Variants in DNAH8 observed in about 807,000 individuals in gnomAD.
The protein encoded by DNAH8 is axonemal beta dynein heavy chain 8.
A neutral mutation model predicts 562.1 loss-of-function variants in DNAH8; 382 were observed. The observed-to-expected ratio is 0.68, with a 90% CI of 0.63 to 0.74. The LOEUF is 0.74. DNAH8 is among the 30% of genes least tolerant of loss of function. DNAH8 has a pLI of 0.00. For missense variants in DNAH8, 5,203 were observed against 5,620.4 expected, an observed-to-expected ratio of 0.93 and a Z score of 2.37; for synonymous variants, 1,881 against 1,919.4, an observed-to-expected ratio of 0.98 and a Z score of 0.52.
chr6:38,715,952 A>ATTTTTTTTTTT (rs1562521236), intron 1 of DNAH8, among the ~76,000 whole-genome samples: 2 of 25,716 alleles, frequency 7.8e-5, no homozygotes, highest in African/African-American at 3.6e-4. Flanking sequence ...ATATATATAT[A>ATTTTTTTTTTT]TATATATATT....
intron 18 of DNAH8, among the ~76,000 whole-genome samples, chr6:38,787,249 A>G (rs1343846429): frequency 6.6e-6 from 1 of 152,108 alleles, no homozygotes; most frequent in African/African-American, 2.4e-5. Context: ...TGTGCATTAA[A>G]TTTTATAATA....
At chr6:38,731,761 C>G (rs1401394595) in intron 4 of DNAH8, among the ~76,000 whole-genome samples, 2 of 152,234 alleles carry the variant, frequency 1.3e-5, no homozygotes, top group Non-Finnish European at 2.9e-5. Context: ...GTCACCCAGG[C>G]TGGAGTGCAA....
At chr6:38,734,426 T>A in intron 4 of DNAH8, 48 bp from the exon 5 acceptor site, 1 of 1,582,350 alleles carries the variant, frequency 6.3e-7, no homozygotes, top group African/African-American at 1.4e-5. Flanking sequence ...CTTATCTCAT[T>A]TGATTAGTTG....
At chr6:38,872,346 A>G (rs955296976) in intron 49 of DNAH8, among the ~76,000 whole-genome samples, 190 bp from the exon 50 acceptor site, 11 of 152,202 alleles carry the variant, frequency 7.2e-5, no homozygotes, top group Admixed American at 7.2e-4. Flanking sequence ...ACTTTAGCAC[A>G]TATCGTTTTA....
chr6:38,741,648 C>T (rs1253171113), intron 7 of DNAH8, 63 bp from the exon 8 acceptor site: 1 of 1,374,828 alleles, frequency 7.3e-7, no homozygotes, highest in South Asian at 1.5e-5. Context: ...CAAAAAGATG[C>T]AATCAGATTT....
chr6:38,832,196 C>T (rs1773897405), intron 30 of DNAH8, 126 bp from the exon 31 acceptor site: 1 of 622,926 alleles, frequency 1.6e-6, no homozygotes, highest in Non-Finnish European at 2.8e-6. Context: ...TATTTTATTA[C>T]AAGCAAACAG....
At chr6:38,740,737 C>T (rs1166154261) in intron 7 of DNAH8, among the ~76,000 whole-genome samples, 1 of 152,074 alleles carries the variant, frequency 6.6e-6, no homozygotes, top group East Asian at 1.9e-4. Flanking sequence ...CGCTCAGCCT[C>T]CTGAGTAGCT....
At chr6:38,781,724 A>G (rs1439674460) in intron 16 of DNAH8, among the ~76,000 whole-genome samples, 1 of 152,204 alleles carries the variant, frequency 6.6e-6, no homozygotes, top group Non-Finnish European at 1.5e-5. Flanking sequence ...GTATGGGCAG[A>G]TAGGTCACTG....
intron 29 of DNAH8, among the ~76,000 whole-genome samples, chr6:38,827,249 T>C (rs1480557220): frequency 6.6e-6 from 1 of 152,192 alleles, no homozygotes; most frequent in African/African-American, 2.4e-5. Flanking sequence ...AATCTCCCCA[T>C]GGCAAGCTCC....
At position 39,029,469 on chromosome 6, in the gene DNAH8, A is replaced by T. The variant is rs190051137; in HGVS notation, c.13837-636A>T. ...GCTATTCAATTCTTATCTTTAAAAA[A>T]TTTTTCTGCACCTATGCATCTTATC... On this transcript the variant is annotated intron_variant, in intron 92 of 92. Coordinates refer to ENST00000327475, the MANE Select transcript of DNAH8 (RefSeq NM_001206927.2). 2.3e-3 allele frequency among the ~76,000 whole-genome samples: 355 copies of T among 152,120 alleles called. 1 individual carries two copies. Among genetic ancestry groups the T allele is most frequent in the African/African-American group, 7.8e-3 (324 of 41,474 alleles).
chr6:38,883,290 C>G, intron 54 of DNAH8, 32 bp from the exon 55 acceptor site: 12 of 1,566,448 alleles, frequency 7.7e-6, no homozygotes, highest in Non-Finnish European at 1.0e-5. Flanking sequence ...TAAGTTGTAA[C>G]ACATTTCAAC....
chr6:38,901,020 G>T (rs1780041115), intron 62 of DNAH8, among the ~76,000 whole-genome samples: 1 of 151,792 alleles, frequency 6.6e-6, no homozygotes, highest in Non-Finnish European at 1.5e-5. Context: ...ATTTGGATAG[G>T]CTCTTTTGTG....
intron 33 of DNAH8, among the ~76,000 whole-genome samples, chr6:38,840,095 C>T (rs1774653550): frequency 6.6e-6 from 1 of 152,192 alleles, no homozygotes; most frequent in Non-Finnish European, 1.5e-5. Flanking sequence ...AACTCCTCAT[C>T]GGCTGTCATG....
chr6:38,822,017 C>T (rs942985088), intron 26 of DNAH8, among the ~76,000 whole-genome samples: 9 of 152,148 alleles, frequency 5.9e-5, no homozygotes, highest in Admixed American at 4.6e-4. Flanking sequence ...AGTGAATATA[C>T]ATATAGTGAT....
intron 26 of DNAH8, among the ~76,000 whole-genome samples, chr6:38,818,257 GC>G (rs1772467626): frequency 6.6e-6 from 1 of 151,894 alleles, no homozygotes; most frequent in Non-Finnish European, 1.5e-5. Flanking sequence ...TCCAATGTTT[GC>G]CATTATTCTT....
intron 85 of DNAH8, among the ~76,000 whole-genome samples, chr6:38,981,505 G>A (rs1011554826): frequency 6.6e-6 from 1 of 152,200 alleles, no homozygotes; most frequent in African/African-American, 2.4e-5. Context: ...GGAAACAAAT[G>A]AGGGTCATGT....
rs1220862880 is a variant in DNAH8 at position 38,873,116 on chromosome 6, G to A, written c.7448G>A (p.Ser2483Asn). 3.7e-6 allele frequency: 6 copies of A among 1,613,666 alleles called. No homozygotes were observed. In the East Asian group the frequency reaches 1.3e-4, roughly 36 times the overall value. ...VSRMGMVYISSSALSWRPILQ... is the reference protein window; with the variant it reads ...VSRMGMVYISNSALSWRPILQ... ...AGGATGGGCATGGTCTATATCAGCAGCTCTGCTCTCAGCTGGAGGCCAATC... is the reference window on the plus strand; with the variant it reads ...AGGATGGGCATGGTCTATATCAGCAACTCTGCTCTCAGCTGGAGGCCAATC... The change falls in exon 51 of 93, where the codon AGC becomes AAC. Residue 2483 changes from serine to asparagine, a missense_variant. Ser to Asn is a conservative substitution (Grantham distance 46). Coordinates refer to ENST00000327475, the MANE Select transcript of DNAH8 (RefSeq NM_001206927.2).
chr6:38,931,554 C>T (rs929241806), intron 75 of DNAH8, among the ~76,000 whole-genome samples: 4 of 152,118 alleles, frequency 2.6e-5, no homozygotes, highest in East Asian at 1.9e-4. Context: ...CTTTATTCAC[C>T]GTTTGTTTTG....
chr6:38,815,250 C>T (rs1333325076), intron 25 of DNAH8, among the ~76,000 whole-genome samples: 1 of 152,138 alleles, frequency 6.6e-6, no homozygotes, highest in Non-Finnish European at 1.5e-5. Context: ...CGCATTAGCT[C>T]GTGGTGTAAT....
Sources: gnomAD v4.1 joint callset for allele counts (sites outside exome capture counted in the v4.1 genomes callset) on GRCh38, gnomAD v4.1.1 for gene constraint, MANE v1.5 for transcripts, NCBI Gene and HGNC (gene_info 2026-07-23, HGNC 2026-07-21) for gene names.